IGBP1C: variants seen among roughly 807,000 people sequenced by gnomAD.
The protein encoded by IGBP1C is immunoglobulin-binding protein 1 family member C.
the IGBP1C span, among the ~76,000 whole-genome samples, chr17:58,676,207 C>G: frequency 1.3e-5 from 2 of 152,138 alleles, no homozygotes; most frequent in Non-Finnish European, 2.9e-5. Context: ...GAAACCCCAT[C>G]TCTACTAAAA....
chr17:58,681,742 C>A, the IGBP1C span, among the ~76,000 whole-genome samples: 1 of 151,978 alleles, frequency 6.6e-6, no homozygotes, highest in Non-Finnish European at 1.5e-5. Flanking sequence ...ACCCAGGAGG[C>A]TGATGAAGGA....
the IGBP1C span, among the ~76,000 whole-genome samples, chr17:58,680,755 C>CA: frequency 1.3e-5 from 2 of 151,690 alleles, no homozygotes; most frequent in South Asian, 4.2e-4. Flanking sequence ...CCACAAAAAC[C>CA]AAAAAAACAA....
chr17:58,690,512 C>T, the IGBP1C span, among the ~76,000 whole-genome samples: 1 of 152,066 alleles, frequency 6.6e-6, no homozygotes, highest in Non-Finnish European at 1.5e-5. Flanking sequence ...ATTCTAAACA[C>T]GACTGATTCC....
the IGBP1C span, among the ~76,000 whole-genome samples, chr17:58,670,968 C>T: frequency 2.0e-5 from 3 of 152,038 alleles, no homozygotes; most frequent in Non-Finnish European, 2.9e-5. Context: ...TAAATATATA[C>T]AATTGGGACA....
At chr17:58,683,224 T>C in the IGBP1C span, among the ~76,000 whole-genome samples, 1 of 150,520 alleles carries the variant, frequency 6.6e-6, no homozygotes, top group Non-Finnish European at 1.5e-5. Context: ...GATACAAAAA[T>C]TAGCTGGGCA....
the IGBP1C span, chr17:58,661,081 C>T: frequency 9.5e-7 from 1 of 1,050,092 alleles, no homozygotes; most frequent in Non-Finnish European, 1.5e-6. Context: ...TTGTAGACAA[C>T]TTATGCTCCA....
chr17:58,682,314 G>A, the IGBP1C span, among the ~76,000 whole-genome samples: 1 of 151,154 alleles, frequency 6.6e-6, no homozygotes, highest in African/African-American at 2.4e-5. Flanking sequence ...CTAGAGTGCA[G>A]TGGTGCCATC....
At chr17:58,662,415 TCACACACACA>T in the IGBP1C span, among the ~76,000 whole-genome samples, 25 of 114,994 alleles carry the variant, frequency 2.2e-4, no homozygotes, top group East Asian at 4.2e-4. Context: ...CACACATATC[TCACACACACA>T]CACACACACA....
the IGBP1C span, chr17:58,677,672 A>AT: frequency 6.6e-6 from 1 of 152,194 alleles, no homozygotes; most frequent in African/African-American, 2.4e-5. Flanking sequence ...ACAGAATGCA[A>AT]TGAGTGAACC....
chr17:58,676,502 G>C, the IGBP1C span, among the ~76,000 whole-genome samples: 1 of 152,302 alleles, frequency 6.6e-6, no homozygotes, highest in East Asian at 1.9e-4. Context: ...AGAGGTTGCA[G>C]TGAGCCAAGA....
the IGBP1C span, among the ~76,000 whole-genome samples, chr17:58,688,276 A>T: frequency 2.6e-5 from 4 of 151,616 alleles, no homozygotes; most frequent in Non-Finnish European, 5.9e-5. Flanking sequence ...ACCCTCCACC[A>T]CCCCCAGTTA....
chr17:58,691,056 T>A, the IGBP1C span, among the ~76,000 whole-genome samples: 1 of 151,998 alleles, frequency 6.6e-6, no homozygotes, highest in Admixed American at 6.6e-5. Context: ...TGTTTCGCCA[T>A]GTTGTCGAGG....
chr17:58,691,011 G>A, the IGBP1C span, among the ~76,000 whole-genome samples: 1 of 152,024 alleles, frequency 6.6e-6, no homozygotes, highest in Non-Finnish European at 1.5e-5. Context: ...ATGCCACCAT[G>A]CCCGGCTAAT....
chr17:58,679,140 G>A, the IGBP1C span, among the ~76,000 whole-genome samples: 1 of 151,984 alleles, frequency 6.6e-6, no homozygotes, highest in Non-Finnish European at 1.5e-5. Flanking sequence ...GGCTACAAGA[G>A]CGAAACGCCG....
chr17:58,681,679 G>T, the IGBP1C span, among the ~76,000 whole-genome samples: 2 of 151,880 alleles, frequency 1.3e-5, no homozygotes, highest in Non-Finnish European at 2.9e-5. Flanking sequence ...GTGAAACCTT[G>T]TCTCTACTAA....
chr17:58,670,516 G>GT, the IGBP1C span, among the ~76,000 whole-genome samples: 1 of 151,928 alleles, frequency 6.6e-6, no homozygotes, highest in African/African-American at 2.4e-5. Flanking sequence ...GCTCACGCTT[G>GT]TAATCCCAGC....
the IGBP1C span, among the ~76,000 whole-genome samples, chr17:58,687,143 G>T: frequency 6.6e-6 from 1 of 152,024 alleles, no homozygotes. Flanking sequence ...GCAAACTCAC[G>T]ACTGCTCCTG....
the IGBP1C span, chr17:58,660,852 T>A: frequency 1.3e-6 from 1 of 792,306 alleles, no homozygotes. Flanking sequence ...TGCGCCATGT[T>A]CCGAGTGAGA....
At chr17:58,691,574 GGA>G in the IGBP1C span, among the ~76,000 whole-genome samples, 1 of 150,374 alleles carries the variant, frequency 6.7e-6, no homozygotes, top group African/African-American at 2.5e-5. Context: ...GGCTGAGGCA[GGA>G]GACTCACTTG....
Sources: gnomAD v4.1 joint callset for allele counts (sites outside exome capture counted in the v4.1 genomes callset) on GRCh38, gnomAD v4.1.1 for gene constraint, MANE v1.5 for transcripts, NCBI Gene and HGNC (gene_info 2026-07-23, HGNC 2026-07-21) for gene names.